Variants in RAPGEF4 observed in about 807,000 individuals in gnomAD.
RAPGEF4 encodes the protein Rap guanine nucleotide exchange factor 4, also known as RAP guanine-nucleotide-exchange factor (GEF) 4.
A neutral mutation model predicts 147.9 loss-of-function variants in RAPGEF4; 66 were observed. The ratio of observed to expected loss-of-function variants is 0.45; its 90% CI spans 0.37 to 0.55. The LOEUF (loss-of-function observed/expected upper bound fraction) is 0.55, where lower values mean the gene tolerates loss of function less well. Among genes scored for constraint, RAPGEF4 ranks in the 20% least tolerant of loss-of-function variants. The pLI, the probability that RAPGEF4 is intolerant of heterozygous loss-of-function variation, is 0.00. For synonymous variants in RAPGEF4, 419 were observed against 442.7 expected, an observed-to-expected ratio of 0.95 and a Z score of 0.67; for missense variants, 1,071 against 1,257.3, an observed-to-expected ratio of 0.85 and a Z score of 2.24.
intron 4 of RAPGEF4, among the ~76,000 whole-genome samples, chr2:172,826,740 G>A (rs1421504756): frequency 6.6e-6 from 1 of 152,158 alleles, no homozygotes; most frequent in Non-Finnish European, 1.5e-5. Context: ...GGTGATGCGA[G>A]CAGATTTCTT....
intron 10 of RAPGEF4, among the ~76,000 whole-genome samples, chr2:172,979,746 T>C (rs1194660536): frequency 6.6e-6 from 1 of 152,200 alleles, no homozygotes. Context: ...CCTTGCATGG[T>C]GTCTGATGCC....
At chr2:172,748,873 C>T (rs991119948) in intron 1 of RAPGEF4, among the ~76,000 whole-genome samples, 39 of 152,158 alleles carry the variant, frequency 2.6e-4, no homozygotes, top group Admixed American at 3.9e-4. Flanking sequence ...ACTGCCATTC[C>T]GAATGGGAGA....
At chr2:172,760,658 C>G (rs1696220362) in intron 1 of RAPGEF4, among the ~76,000 whole-genome samples, 1 of 149,698 alleles carries the variant, frequency 6.7e-6, no homozygotes, top group Non-Finnish European at 1.5e-5. Context: ...GCGGAGCTTG[C>G]AGTGAGCTGA....
At chr2:172,838,971 C>G (rs543848943) in intron 4 of RAPGEF4, among the ~76,000 whole-genome samples, 1 of 152,250 alleles carries the variant, frequency 6.6e-6, no homozygotes, top group East Asian at 1.9e-4. Flanking sequence ...AGTTCTTCTT[C>G]CCATGCATCC....
In RAPGEF4 at chr2:172,870,925, C is replaced by T. The variant is rs554336242; in HGVS notation, c.445-46877C>T. On this transcript the variant is annotated intron_variant, in intron 4 of 30. Transcript: ENST00000397081. ...TGAAATGTTGTGAAAAGAGGTATAG[C>T]ACCTTTAACTCAATTCTAAATTTTT... is the stretch of plus-strand genomic sequence containing the variant. Among the ~76,000 whole-genome samples, 6 of 152,284 alleles carry T rather than the reference C, an allele frequency of 3.9e-5. No individual in the cohort carries two copies. In the South Asian group the frequency reaches 1.2e-3, roughly 32 times the overall value.
intron 3 of RAPGEF4, among the ~76,000 whole-genome samples, chr2:172,797,836 G>T (rs986722036): frequency 6.6e-6 from 1 of 152,114 alleles, no homozygotes; most frequent in African/African-American, 2.4e-5. Flanking sequence ...AACATGAAAT[G>T]CAAGAACACA....
At chr2:172,934,775 C>T (rs1385583247) in intron 6 of RAPGEF4, among the ~76,000 whole-genome samples, 1 of 152,232 alleles carries the variant, frequency 6.6e-6, no homozygotes, top group East Asian at 1.9e-4. Flanking sequence ...GTATTCACCC[C>T]CTACCCCAAC....
intron 1 of RAPGEF4, among the ~76,000 whole-genome samples, chr2:172,755,411 T>C (rs1055490731): frequency 1.3e-5 from 2 of 152,224 alleles, no homozygotes; most frequent in African/African-American, 4.8e-5. Context: ...TTTATTTATT[T>C]GAGACGAAGT....
At chr2:172,767,700 A>G (rs1039436451) in intron 1 of RAPGEF4, among the ~76,000 whole-genome samples, 1 of 152,206 alleles carries the variant, frequency 6.6e-6, no homozygotes, top group Admixed American at 6.5e-5. Context: ...AAGGATCCAT[A>G]TGCTTTTTAG....
At chr2:172,829,748 G>T (rs753091196) in intron 4 of RAPGEF4, among the ~76,000 whole-genome samples, 1 of 150,652 alleles carries the variant, frequency 6.6e-6, no homozygotes, top group African/African-American at 2.4e-5. Flanking sequence ...GGTCGAATGT[G>T]AGCCTTTTGC....
chr2:172,854,264 G>A (rs1373005482), intron 4 of RAPGEF4, among the ~76,000 whole-genome samples: 2 of 151,410 alleles, frequency 1.3e-5, no homozygotes, highest in African/African-American at 2.4e-5. Flanking sequence ...TTTGTTATTA[G>A]GCATGTATGC....
At chr2:172,839,171 T>C (rs1401159306) in intron 4 of RAPGEF4, among the ~76,000 whole-genome samples, 1 of 152,054 alleles carries the variant, frequency 6.6e-6, no homozygotes, top group Non-Finnish European at 1.5e-5. Context: ...AGCCAGGTCA[T>C]TGGCTTTGTT....
At chr2:172,768,959 C>T (rs1354258269) in intron 1 of RAPGEF4, among the ~76,000 whole-genome samples, 3 of 152,168 alleles carry the variant, frequency 2.0e-5, no homozygotes, top group South Asian at 2.1e-4. Context: ...CATGAGACGA[C>T]GAGCATGCCA....
At chr2:172,871,684 A>G (rs1247743768) in intron 4 of RAPGEF4, among the ~76,000 whole-genome samples, 2 of 149,042 alleles carry the variant, frequency 1.3e-5, no homozygotes, top group African/African-American at 5.0e-5. Flanking sequence ...GTATTTTGAG[A>G]TGACAGCATT....
chr2:172,917,515 G>A (rs759881800), intron 4 of RAPGEF4: 17 of 642,750 alleles, frequency 2.6e-5, no homozygotes, highest in Middle Eastern at 2.8e-4. Context: ...AGGGGTGCAG[G>A]GGGTGCTAAA....
At chr2:172,842,165 T>C (rs1691686267) in intron 4 of RAPGEF4, among the ~76,000 whole-genome samples, 1 of 152,094 alleles carries the variant, frequency 6.6e-6, no homozygotes, top group East Asian at 1.9e-4. Flanking sequence ...TCAAGGAGAT[T>C]TTGGTTCAAT....
At chr2:172,960,637 A>AT in intron 6 of RAPGEF4, 123 bp from the exon 7 acceptor site, 2 of 700,428 alleles carry the variant, frequency 2.9e-6, no homozygotes, top group African/African-American at 3.7e-5. Context: ...TTTATCTCTT[A>AT]TTTTTTTAAA....
chr2:172,922,544 G>A (rs1369942370), intron 6 of RAPGEF4, among the ~76,000 whole-genome samples: 2 of 152,210 alleles, frequency 1.3e-5, no homozygotes, highest in Non-Finnish European at 2.9e-5. Context: ...TATTCTAGGG[G>A]CAAATGCTAC....
At position 172,738,063 on chromosome 2, in the gene RAPGEF4, T is replaced by G. The variant is rs2149409912; in HGVS notation, c.65+2015T>G. ...CATTGTATGAAGGCCATGGGGGGAC[T>G]TGTTTTGAAGTTGTGTTTTTACTTA... On this transcript the variant is annotated intron_variant, in intron 1 of 30. Transcript: ENST00000397081. Among the ~76,000 whole-genome samples, 4 of 152,310 alleles carry G rather than the reference T, an allele frequency of 2.6e-5. No homozygotes were observed. In the East Asian group the frequency reaches 7.7e-4, roughly 29 times the overall value.
Sources: allele counts gnomAD v4.1 joint callset (sites outside exome capture counted in the v4.1 genomes callset), GRCh38; gene constraint gnomAD v4.1.1; transcripts MANE v1.5; gene names NCBI Gene and HGNC (gene_info 2026-07-23, HGNC 2026-07-21).